The following ASTL variants were observed in gnomAD, a reference collection of about 807,000 sequenced individuals.
The protein encoded by ASTL is astacin-like metalloendopeptidase.
A neutral mutation model predicts 36.7 loss-of-function variants in ASTL; 27 were observed. The ratio of observed to expected loss-of-function variants is 0.73; its 90% CI spans 0.54 to 1.01. ASTL has a LOEUF of 1.01. Among genes scored for constraint, ASTL ranks in the 50% least tolerant of loss-of-function variants. The pLI is 0.00. For synonymous variants in ASTL, 222 were observed against 228.1 expected (o/e 0.97, Z 0.24); for missense variants, 524 against 572.8 (o/e 0.91, Z 0.87).
chr2:96,128,654 T>A (rs1023151233), intron 8 of ASTL, among the ~76,000 whole-genome samples: 2 of 152,248 alleles, frequency 1.3e-5, no homozygotes, highest in African/African-American at 4.8e-5. Context: ...GCTCCAGTGC[T>A]ATGCATTTAT....
At chr2:96,134,280 G>T (rs995934780) in intron 3 of ASTL, among the ~76,000 whole-genome samples, 2 of 152,240 alleles carry the variant, frequency 1.3e-5, no homozygotes, top group African/African-American at 4.8e-5. Flanking sequence ...TATGATGAAA[G>T]AATTTCAATC....
intron 4 of ASTL, 50 bp downstream of exon 4, chr2:96,133,915 A>G: frequency 7.9e-7 from 1 of 1,263,162 alleles, no homozygotes; most frequent in East Asian, 2.3e-5. Flanking sequence ...CACCTGCCGC[A>G]TTAGGAAGAA....
chr2:96,132,544 C>A lies in ASTL; in HGVS notation c.633G>T (p.Leu211=). 1 of 1,593,118 alleles carries A rather than the reference C, an allele frequency of 6.3e-7. No homozygotes were observed. Among genetic ancestry groups the A allele is most frequent in the South Asian group, 1.1e-5 (1 of 90,162 alleles). Residue 211 remains leucine (L), a synonymous_variant, in exon 6 of 9, where the codon CTG becomes CTT. Transcript: ENST00000342380. The surrounding 1 kb of genome is among the most constrained non-coding windows in gnomAD (Gnocchi z 5.4). ...CCTGCGTGTGGCCTGGCTCACCTGG[C>A]AGGATCTCGTTCCAGTTGACACGGA... ...RYIRVNWNEI[L]PGFEINFIKS... is the part of the protein sequence containing the mutation.
At position 96,124,195 on chromosome 2, in the gene ASTL, C is replaced by T. The variant is rs200577598; in HGVS notation, c.951G>A (p.Ser317=). The T allele has an allele frequency of 5.3e-5, 81 of 1,526,434 alleles. No homozygotes were observed. Among genetic ancestry groups the T allele is most frequent in the East Asian group, 6.8e-5 (3 of 44,180 alleles). 94.6% of individuals were successfully genotyped at this position (1,526,434 alleles called of 1,614,324 possible). The change falls in exon 9 of 9, where the codon TCG becomes TCA. Residue 317 remains serine, a synonymous_variant. Transcript: ENST00000342380. This position sits in a 1 kb window ranked among gnomAD's most constrained non-coding sequence, Gnocchi z 4.1. ...TGGGGTCGGGGCTCCTGGATTCCGC[C>T]GACAGTGCCTCCAAAAGCCGCTGCA... ...LSLQRLLEAL[S]AESRSPDPSG...
At chr2:96,130,192 G>T in intron 6 of ASTL, 47 bp from the exon 7 acceptor site, 1 of 1,463,728 alleles carries the variant, frequency 6.8e-7, no homozygotes, top group Non-Finnish European at 9.6e-7. Context: ...AAAGAGGGCA[G>T]GCAAGAAAGG....
chr2:96,129,964 C>T lies in ASTL; in HGVS notation c.734G>A (p.Arg245Gln), dbSNP rs748612996. 17 of 1,603,234 alleles carry T rather than the reference C, an allele frequency of 1.1e-5. No homozygotes were observed. In the South Asian group the frequency reaches 1.1e-4, roughly 10 times the overall value. The change falls in exon 8 of 9, where the codon CGG becomes CAG. Residue 245 changes from arginine (R) to glutamine (Q), a missense_variant. Coordinates refer to ENST00000342380, the MANE Select transcript of ASTL (RefSeq NM_001002036.4). ...VMHYGRLAFS[R>Q]RGLPTITPLW... ...TGGTGTGATGGTGGGCAGCCCACGC[C>T]GGCTGAAGGCGAGCCTGGAACCCAG... is the stretch of plus-strand genomic sequence containing the variant.
chr2:96,126,461 T>C (rs1285767883), intron 8 of ASTL, among the ~76,000 whole-genome samples: 2 of 152,186 alleles, frequency 1.3e-5, no homozygotes. Context: ...TACTTCACAC[T>C]CACTAGGCTG....
At chr2:96,133,576 C>T (rs1441050279) in intron 4 of ASTL, 34 bp from the exon 5 acceptor site, 1 of 1,503,366 alleles carries the variant, frequency 6.7e-7, no homozygotes, top group Non-Finnish European at 9.3e-7. Context: ...CCCCCAGAGC[C>T]CTGGTGGTCT....
chr2:96,132,827 A>C lies in ASTL; in HGVS notation c.456-106T>G. 2.9e-6 allele frequency: 3 copies of C among 1,029,298 alleles called. No homozygotes were observed. The highest frequency in any genetic ancestry group is 4.1e-6 in the Non-Finnish European group (3 of 723,270). 63.8% of individuals were successfully genotyped at this position (1,029,298 alleles called of 1,614,324 possible). On this transcript the variant is annotated intron_variant, in intron 5 of 8. Coordinates refer to ENST00000342380, the MANE Select transcript of ASTL (RefSeq NM_001002036.4). The surrounding 1 kb of genome is among the most constrained non-coding windows in gnomAD (Gnocchi z 5.4). Reference sequence around the variant, plus strand: ...ACAACACAAGATAGACAAACTCCCAACAGGCAGGCCCCACTCTGGGCTCTA... The same window carrying C: ...ACAACACAAGATAGACAAACTCCCACCAGGCAGGCCCCACTCTGGGCTCTA...
chr2:96,132,517 G>C lies in ASTL; in HGVS notation c.637+23C>G, dbSNP rs752138502. ...GCTGTCCCCTCCCCGGCACCAGCCT[G>C]TCCTGCGTGTGGCCTGGCTCACCTG... On this transcript the variant is annotated intron_variant, in intron 6 of 8. Coordinates refer to ENST00000342380, the MANE Select transcript of ASTL (RefSeq NM_001002036.4). The surrounding 1 kb of genome is among the most constrained non-coding windows in gnomAD (Gnocchi z 5.4). The C allele has an allele frequency of 6.4e-7, 1 of 1,574,054 alleles. No homozygotes were observed. The highest frequency in any genetic ancestry group is 1.3e-5 in the African/African-American group (1 of 74,470).
intron 3 of ASTL, 67 bp downstream of exon 3, chr2:96,135,284 G>A: frequency 1.5e-6 from 2 of 1,348,218 alleles, no homozygotes; most frequent in South Asian, 1.2e-5. Context: ...CATCCAGGGT[G>A]GGCTCAGAGG....
chr2:96,135,165 A>G (rs1461458158), intron 3 of ASTL, among the ~76,000 whole-genome samples, 186 bp downstream of exon 3: 1 of 152,240 alleles, frequency 6.6e-6, no homozygotes, highest in Non-Finnish European at 1.5e-5. Context: ...AGCCTTCCTT[A>G]GCATTCAGGC....
At chr2:96,133,315 G>T in intron 5 of ASTL, 110 bp downstream of exon 5, 2 of 828,764 alleles carry the variant, frequency 2.4e-6, no homozygotes, top group Non-Finnish European at 2.1e-6. Context: ...TGGGCAGGGA[G>T]ACTGAGCCCT....
In ASTL at chr2:96,129,811, C is replaced by T; in HGVS notation, c.874+13G>A. 6.6e-7 allele frequency: 1 copy of T among 1,521,362 alleles called. No homozygotes were observed. Among genetic ancestry groups the T allele is most frequent in the Non-Finnish European group, 8.8e-7 (1 of 1,133,572 alleles). The allele number at this position is 1,521,362 out of a possible 1,614,324, so 94.2% of individuals were successfully genotyped here. A position where few individuals can be genotyped will look rare whatever the true frequency, so the allele number is the denominator to read the frequency against. Reference sequence around the variant, plus strand: ...TCTCCAGGTTCAAGTCACCTTCCTGCCATGCCACTCACCTCTCCCACGGGG... The same window carrying T: ...TCTCCAGGTTCAAGTCACCTTCCTGTCATGCCACTCACCTCTCCCACGGGG... On this transcript the variant is annotated intron_variant, in intron 8 of 8. Coordinates refer to ENST00000342380, the MANE Select transcript of ASTL (RefSeq NM_001002036.4).
At chr2:96,135,656 G>A (rs1488013213) in intron 2 of ASTL, among the ~76,000 whole-genome samples, 1 of 152,254 alleles carries the variant, frequency 6.6e-6, no homozygotes, top group African/African-American at 2.4e-5. Context: ...GTCTGCAGGT[G>A]TGAGGGGGCT....
chr2:96,134,897 A>G (rs1682263999), intron 3 of ASTL, among the ~76,000 whole-genome samples: 2 of 152,182 alleles, frequency 1.3e-5, no homozygotes, highest in African/African-American at 4.8e-5. Context: ...TTCTCCCTTC[A>G]GATGCGGCCC....
intron 3 of ASTL, among the ~76,000 whole-genome samples, chr2:96,134,630 G>A (rs1271495669): frequency 2.0e-5 from 3 of 152,108 alleles, no homozygotes; most frequent in Admixed American, 6.5e-5. Context: ...CCACCTGCCC[G>A]AGCACTCACT....
At chr2:96,136,377 C>T (rs1682299170) in intron 2 of ASTL, among the ~76,000 whole-genome samples, 1 of 152,270 alleles carries the variant, frequency 6.6e-6, no homozygotes, top group Non-Finnish European at 1.5e-5. Flanking sequence ...AGCTGTGCAG[C>T]ATTAGCCATA....
In ASTL at chr2:96,128,473, C is replaced by T. The variant is rs193142152; in HGVS notation, c.874+1351G>A. On this transcript the variant is annotated intron_variant, in intron 8 of 8. Coordinates refer to ENST00000342380, the MANE Select transcript of ASTL (RefSeq NM_001002036.4). ...TCTTTCATGCATCCAGAGTTATTTG[C>T]GCATGATATGAGTTAGGGATTTTTA... 4.1e-4 allele frequency among the ~76,000 whole-genome samples: 62 copies of T among 152,114 alleles called. No homozygotes were observed. In the East Asian group the frequency reaches 9.9e-3, roughly 24 times the overall value.
Sources: gnomAD v4.1 joint callset for allele counts (sites outside exome capture counted in the v4.1 genomes callset) on GRCh38, gnomAD v4.1.1 for gene constraint, Gnocchi (gnomAD v3.1) non-coding constraint, MANE v1.5 for transcripts, NCBI Gene and HGNC (gene_info 2026-07-23, HGNC 2026-07-21) for gene names.